Variants in ANKS4B observed in about 807,000 individuals in gnomAD.
ANKS4B encodes the protein ankyrin repeat and SAM domain-containing protein 4B.
Under a neutral mutation model 20.2 loss-of-function variants are expected in ANKS4B, and 21 were observed. The ratio of observed to expected loss-of-function variants is 1.04; its 90% CI spans 0.74 to 1.50. The LOEUF is 1.50. Among genes scored for constraint, ANKS4B ranks in the 40% most tolerant of loss-of-function variants. ANKS4B has a pLI of 0.00. For missense variants in ANKS4B, 473 were observed against 494.6 expected, an observed-to-expected ratio of 0.96 and a Z score of 0.41; for synonymous variants, 179 against 194.5, an observed-to-expected ratio of 0.92 and a Z score of 0.66.
intron 1 of ANKS4B, among the ~76,000 whole-genome samples, chr16:21,247,280 A>C (rs1381963758): frequency 6.6e-6 from 1 of 151,954 alleles, no homozygotes; most frequent in African/African-American, 2.4e-5. Flanking sequence ...GACCAGGCTG[A>C]TCTTGAACTC....
At chr16:21,246,520 A>G (rs1394467534) in intron 1 of ANKS4B, among the ~76,000 whole-genome samples, 1 of 152,212 alleles carries the variant, frequency 6.6e-6, no homozygotes, top group Admixed American at 6.5e-5. Context: ...TTTGTTTTTA[A>G]GAGAAGTTAT....
chr16:21,242,613 G>A (rs756418652), intron 1 of ANKS4B, among the ~76,000 whole-genome samples: 4 of 152,172 alleles, frequency 2.6e-5, no homozygotes, highest in East Asian at 3.8e-4. Context: ...GACAGGATCC[G>A]TTTGTTTCTT....
chr16:21,250,355 A>G lies in ANKS4B; in HGVS notation c.789A>G (p.Glu263=). ...AGGAGGACGGCAGTGTGCACCATGA[A>G]TCCATTCTCAATCGTCCAGGTCTAG... The part of the protein sequence containing the change: ...SAEEDGSVHH[E]SILNRPGLGS... Residue 263 remains glutamate, a synonymous_variant, in exon 2 of 2, where the codon GAA becomes GAG. Coordinates refer to ENST00000311620, the MANE Select transcript of ANKS4B (RefSeq NM_145865.3). 6.2e-7 allele frequency: 1 copy of G among 1,614,184 alleles called. No individual in the cohort carries two copies. Among genetic ancestry groups the G allele is most frequent in the South Asian group, 1.1e-5 (1 of 91,076 alleles).
chr16:21,244,013 A>G (rs571141865), intron 1 of ANKS4B: 1 of 150,742 alleles, frequency 6.6e-6, no homozygotes, highest in Non-Finnish European at 1.5e-5. Context: ...TCTCAGGTGT[A>G]CTGTTCTTCC....
chr16:21,244,564 A>G (rs2093330189), intron 1 of ANKS4B, among the ~76,000 whole-genome samples: 1 of 152,172 alleles, frequency 6.6e-6, no homozygotes, highest in Non-Finnish European at 1.5e-5. Context: ...CAACTTATCC[A>G]ATCCAAGGAT....
At chr16:21,238,476 CATAAAT>C (rs1391298481) in intron 1 of ANKS4B, among the ~76,000 whole-genome samples, 5 of 10,496 alleles carry the variant, frequency 4.8e-4, no homozygotes, top group African/African-American at 8.6e-4. Flanking sequence ...TAAATGTAAA[CATAAAT>C]ATATATATAT....
At chr16:21,241,146 C>T (rs752992105) in intron 1 of ANKS4B, among the ~76,000 whole-genome samples, 1 of 152,156 alleles carries the variant, frequency 6.6e-6, no homozygotes, top group Non-Finnish European at 1.5e-5. Context: ...TGCATGGGTA[C>T]ACTGCATGGT....
At chr16:21,247,221 C>T (rs2093333443) in intron 1 of ANKS4B, among the ~76,000 whole-genome samples, 2 of 152,110 alleles carry the variant, frequency 1.3e-5, no homozygotes, top group African/African-American at 2.4e-5. Context: ...TGTGCCACCA[C>T]GCCCGGCTAA....
At chr16:21,240,327 C>T (rs1268399448) in intron 1 of ANKS4B, among the ~76,000 whole-genome samples, 3 of 151,516 alleles carry the variant, frequency 2.0e-5, no homozygotes, top group Non-Finnish European at 4.4e-5. Flanking sequence ...TCGCTTCTGT[C>T]GCCCATCCTG....
At chr16:21,245,956 T>C (rs141391374) in intron 1 of ANKS4B, among the ~76,000 whole-genome samples, 44 of 152,366 alleles carry the variant, frequency 2.9e-4, no homozygotes, top group African/African-American at 9.9e-4. Context: ...TTAATTTATT[T>C]AATTCACATA....
chr16:21,241,749 T>C (rs904941954), intron 1 of ANKS4B, among the ~76,000 whole-genome samples: 1 of 152,168 alleles, frequency 6.6e-6, no homozygotes, highest in Non-Finnish European at 1.5e-5. Context: ...AAATTATATA[T>C]ATTTATGGTG....
chr16:21,243,519 G>A (rs2093328744), intron 1 of ANKS4B, among the ~76,000 whole-genome samples: 1 of 152,152 alleles, frequency 6.6e-6, no homozygotes, highest in Non-Finnish European at 1.5e-5. Flanking sequence ...CATTTAAATT[G>A]TACATCAATT....
intron 1 of ANKS4B, among the ~76,000 whole-genome samples, chr16:21,237,149 T>C (rs183257723): frequency 6.6e-6 from 1 of 152,246 alleles, no homozygotes; most frequent in Admixed American, 6.5e-5. Flanking sequence ...GCCTCCTAAG[T>C]AGCTGGGTCT....
intron 1 of ANKS4B, chr16:21,243,733 G>C (rs950819886): frequency 6.6e-6 from 1 of 152,058 alleles, no homozygotes; most frequent in African/African-American, 2.4e-5. Flanking sequence ...CACCATGCCT[G>C]GCTAATTTTT....
chr16:21,249,696 C>G, intron 1 of ANKS4B, 35 bp from the exon 2 acceptor site: 1 of 1,545,580 alleles, frequency 6.5e-7, no homozygotes, highest in Non-Finnish European at 8.7e-7. Context: ...GAAAAAAAGT[C>G]CAACATGTAT....
intron 1 of ANKS4B, 24 bp downstream of exon 1, chr16:21,233,925 G>A (rs1292893221): frequency 5.0e-6 from 8 of 1,597,946 alleles, no homozygotes; most frequent in Non-Finnish European, 6.8e-6. Flanking sequence ...GATGGTTTCT[G>A]TTGGAAACAG....
In ANKS4B at chr16:21,245,893, T is replaced by C. The variant is rs545506153; in HGVS notation, c.165-3838T>C. On this transcript the variant is annotated intron_variant, in intron 1 of 1. Coordinates refer to ENST00000311620, the MANE Select transcript of ANKS4B (RefSeq NM_145865.3). ...GGGCAAGGGCAAGGATAATAAGTAA[T>C]GTTTATTCAATATTTACTATGTGCC... Among the ~76,000 whole-genome samples the C allele has an allele frequency of 1.8e-4, 28 of 152,340 alleles. No individual in the cohort carries two copies. The South Asian group carries it at 3.1e-3, about 17-fold the overall frequency.
rs1318254077 is a variant in ANKS4B, at chr16:21,251,269, C to T, written c.*449C>T. ...ACAGGTTCACACCCCCCACACCTGGCTTATTTTGTATGTTTTAGTAGAGGT... is the reference window on the plus strand; with the variant it reads ...ACAGGTTCACACCCCCCACACCTGGTTTATTTTGTATGTTTTAGTAGAGGT... On this transcript the variant is annotated 3_prime_UTR_variant, in exon 2 of 2. Coordinates refer to ENST00000311620, the MANE Select transcript of ANKS4B (RefSeq NM_145865.3). 6.2e-6 allele frequency: 1 copy of T among 160,180 alleles called. No homozygotes were observed. The highest frequency in any genetic ancestry group is 2.4e-5 in the African/African-American group (1 of 41,510). 9.9% of individuals were successfully genotyped at this position (160,180 alleles called of 1,614,324 possible).
At chr16:21,238,433 C>T (rs2093322811) in intron 1 of ANKS4B, among the ~76,000 whole-genome samples, 1 of 152,000 alleles carries the variant, frequency 6.6e-6, no homozygotes, top group East Asian at 1.9e-4. Flanking sequence ...TTACAATACA[C>T]AATTTATATT....
Sources: allele counts gnomAD v4.1 joint callset (sites outside exome capture counted in the v4.1 genomes callset), GRCh38; gene constraint gnomAD v4.1.1; transcripts MANE v1.5; gene names NCBI Gene and HGNC (gene_info 2026-07-23, HGNC 2026-07-21).